Variants in PRTFDC1 observed in about 807,000 individuals in gnomAD.
The protein encoded by PRTFDC1 is phosphoribosyltransferase domain-containing protein 1.
In PRTFDC1, 38 loss-of-function variants were observed where a neutral mutation model predicts 34.6. The ratio of observed to expected loss-of-function variants is 1.10; its 90% CI spans 0.85 to 1.44. The LOEUF is 1.44. Ranked by LOEUF, PRTFDC1 falls within the 40% of genes most tolerant of loss-of-function variation. The probability of loss-of-function intolerance (pLI) is 0.00; values close to 1 mark genes in which losing one functional copy is unlikely to be tolerated. For missense variants in PRTFDC1, 270 were observed against 283.0 expected (o/e 0.95, Z 0.33); for synonymous variants, 93 against 98.1 (o/e 0.95, Z 0.31).
chr10:24,902,624 T>G (rs1848467239), intron 3 of PRTFDC1, among the ~76,000 whole-genome samples: 1 of 152,196 alleles, frequency 6.6e-6, no homozygotes, highest in African/African-American at 2.4e-5. Context: ...GAAAGTTGAC[T>G]TTTATATTTT....
intron 3 of PRTFDC1, among the ~76,000 whole-genome samples, chr10:24,892,391 C>T (rs1221486085): frequency 6.6e-6 from 1 of 152,034 alleles, no homozygotes; most frequent in Non-Finnish European, 1.5e-5. Context: ...TCTCTCCATC[C>T]TCATCAGCAT....
intron 3 of PRTFDC1, among the ~76,000 whole-genome samples, chr10:24,905,390 C>T (rs1848518432): frequency 6.9e-6 from 1 of 145,268 alleles, no homozygotes; most frequent in Non-Finnish European, 1.5e-5. Context: ...GACACGATCT[C>T]GGCTCACTGC....
At chr10:24,880,829 T>TTCTC (rs1848060863) in intron 3 of PRTFDC1, among the ~76,000 whole-genome samples, 1 of 128,222 alleles carries the variant, frequency 7.8e-6, no homozygotes, top group South Asian at 2.4e-4. Context: ...CTTTCTTTCT[T>TTCTC]TCTTTCTTTC....
chr10:24,876,475 C>T (rs931346549), intron 3 of PRTFDC1, among the ~76,000 whole-genome samples: 1 of 152,056 alleles, frequency 6.6e-6, no homozygotes, highest in African/African-American at 2.4e-5. Context: ...GCAGGCGGAT[C>T]ACGAGGTCAG....
chr10:24,862,362 T>C (rs1034794315), intron 4 of PRTFDC1, among the ~76,000 whole-genome samples: 1 of 149,748 alleles, frequency 6.7e-6, no homozygotes, highest in East Asian at 2.0e-4. Context: ...AGTATAGGCA[T>C]ACCTTGTTTT....
rs150049790 is a variant in PRTFDC1 at position 24,889,373 on chromosome 10, T to A, written c.340-17310A>T. Among the ~76,000 whole-genome samples, 747 of 152,208 alleles carry A rather than the reference T, an allele frequency of 4.9e-3. 5 individuals carry two copies. The highest frequency in any genetic ancestry group is 0.017 in the African/African-American group (693 of 41,518). ...ATGAGAAAGAAATTTCTGTTGTTTA[T>A]AAGCCACCCAGTCTATGGTATTTTG... On this transcript the variant is annotated intron_variant, in intron 3 of 8. Coordinates refer to ENST00000320152, the MANE Select transcript of PRTFDC1 (RefSeq NM_020200.7).
At chr10:24,940,031 A>G (rs778533529) in intron 2 of PRTFDC1, among the ~76,000 whole-genome samples, 5 of 152,148 alleles carry the variant, frequency 3.3e-5, no homozygotes, top group African/African-American at 9.7e-5. Flanking sequence ...AATTCCTAAT[A>G]TATATGCTCC....
At chr10:24,942,935 A>G (rs1588626545) in intron 1 of PRTFDC1, among the ~76,000 whole-genome samples, 1 of 152,274 alleles carries the variant, frequency 6.6e-6, no homozygotes, top group Admixed American at 6.5e-5. Context: ...GGCATGAGCC[A>G]CCACACCTGG....
At chr10:24,858,516 T>C in intron 4 of PRTFDC1, 107 bp from the exon 5 acceptor site, 2 of 1,091,212 alleles carry the variant, frequency 1.8e-6, no homozygotes, top group Non-Finnish European at 2.8e-6. Context: ...ACTTAGACGG[T>C]CCTTCCCCAT....
intron 3 of PRTFDC1, among the ~76,000 whole-genome samples, chr10:24,887,481 C>T (rs1351930722): frequency 6.6e-6 from 1 of 152,004 alleles, no homozygotes; most frequent in East Asian, 1.9e-4. Context: ...TCTCCCTTCG[C>T]TCTGCACTTC....
chr10:24,851,001 T>G (rs1847477318), intron 8 of PRTFDC1, among the ~76,000 whole-genome samples: 1 of 152,112 alleles, frequency 6.6e-6, no homozygotes, highest in Non-Finnish European at 1.5e-5. Context: ...AGGGAAGAGT[T>G]ATGAGCTGCA....
chr10:24,866,558 C>T (rs1392305429), intron 4 of PRTFDC1, among the ~76,000 whole-genome samples: 1 of 151,952 alleles, frequency 6.6e-6, no homozygotes, highest in East Asian at 1.9e-4. Context: ...TTAATAGATA[C>T]ACACATTTTA....
chr10:24,876,737 T>G (rs2132518759), intron 3 of PRTFDC1, among the ~76,000 whole-genome samples: 1 of 152,082 alleles, frequency 6.6e-6, no homozygotes, highest in East Asian at 1.9e-4. Context: ...TTTATAGAGA[T>G]GAAGTCTCAC....
At chr10:24,902,591 G>A (rs899649778) in intron 3 of PRTFDC1, among the ~76,000 whole-genome samples, 6 of 152,142 alleles carry the variant, frequency 3.9e-5, no homozygotes, top group Non-Finnish European at 7.3e-5. Flanking sequence ...CTTAGGAAAG[G>A]CGATTTTTCT....
chr10:24,903,678 T>A, intron 3 of PRTFDC1, among the ~76,000 whole-genome samples: 1 of 151,682 alleles, frequency 6.6e-6, no homozygotes, highest in East Asian at 1.9e-4. Context: ...ATTTTGTGTA[T>A]CCACTCCTTC....
In PRTFDC1 at chr10:24,926,120, T is replaced by C. The variant is rs149890763; in HGVS notation, c.339+11064A>G. 7.6e-4 allele frequency among the ~76,000 whole-genome samples: 116 copies of C among 152,284 alleles called. 1 individual carries two copies. The East Asian group carries it at 0.021, about 28-fold the overall frequency. On this transcript the variant is annotated intron_variant, in intron 3 of 8. Coordinates refer to ENST00000320152, the MANE Select transcript of PRTFDC1 (RefSeq NM_020200.7). ...ACAGATCCAGGAGACAGACATGGTG[T>C]TAAAGGACCTAGTTTGGATGTCACT...
At chr10:24,851,330 T>C (rs1847484730) in intron 8 of PRTFDC1, 58 bp downstream of exon 8, 1 of 1,577,302 alleles carries the variant, frequency 6.3e-7, no homozygotes, top group South Asian at 1.2e-5. Context: ...TTCAATACTT[T>C]TTTAAATTGT....
chr10:24,937,505 C>T (rs889532818), intron 2 of PRTFDC1, 138 bp from the exon 3 acceptor site: 13 of 678,416 alleles, frequency 1.9e-5, no homozygotes, highest in East Asian at 1.5e-4. Flanking sequence ...AGAAACCCAC[C>T]GATAGAAAAG....
At chr10:24,879,240 G>C (rs1460426724) in intron 3 of PRTFDC1, among the ~76,000 whole-genome samples, 1 of 152,160 alleles carries the variant, frequency 6.6e-6, no homozygotes, top group East Asian at 1.9e-4. Context: ...CTTTTAAGCT[G>C]CATGGAGCCA....
Sources: allele counts gnomAD v4.1 joint callset (sites outside exome capture counted in the v4.1 genomes callset), GRCh38; gene constraint gnomAD v4.1.1; transcripts MANE v1.5; gene names NCBI Gene and HGNC (gene_info 2026-07-23, HGNC 2026-07-21).